Variants in JARID2 observed in about 807,000 individuals in gnomAD.
JARID2 encodes the protein jumonji and AT-rich interaction domain containing 2, also known as protein Jumonji.
In JARID2, 21 loss-of-function variants were observed where a neutral mutation model predicts 125.6. The ratio of observed to expected loss-of-function variants is 0.17; its 90% CI spans 0.12 to 0.24. JARID2 has a LOEUF of 0.24. Among genes scored for constraint, JARID2 ranks in the 10% least tolerant of loss-of-function variants. JARID2 has a pLI of 1.00. For missense variants in JARID2, 1,303 were observed against 1,639.6 expected (o/e 0.79, Z 3.55); for synonymous variants, 736 against 661.6 (o/e 1.11, Z -1.73).
chr6:15,325,517 A>G (rs981214437), intron 1 of JARID2, among the ~76,000 whole-genome samples: 3 of 152,018 alleles, frequency 2.0e-5, no homozygotes, highest in Non-Finnish European at 4.4e-5. Flanking sequence ...TACTACAGAG[A>G]CCCTTTCTTC....
At chr6:15,490,632 G>GC (rs1164188889) in intron 6 of JARID2, among the ~76,000 whole-genome samples, 1 of 152,208 alleles carries the variant, frequency 6.6e-6, no homozygotes, top group Admixed American at 6.5e-5. Flanking sequence ...TTGTCATGGG[G>GC]CTGGGAGTGC....
chr6:15,460,564 C>T (rs1202178807), intron 4 of JARID2, among the ~76,000 whole-genome samples: 1 of 152,200 alleles, frequency 6.6e-6, no homozygotes, highest in Non-Finnish European at 1.5e-5. Flanking sequence ...ACTAAAGTCC[C>T]TGGTGTCTGT....
At chr6:15,481,856 AGTAC>A in intron 5 of JARID2, among the ~76,000 whole-genome samples, 1 of 152,300 alleles carries the variant, frequency 6.6e-6, no homozygotes, top group East Asian at 1.9e-4. Flanking sequence ...TCTTTAGTAG[AGTAC>A]CTTGCTGAAG....
At chr6:15,422,360 AG>A (rs899670335) in intron 3 of JARID2, among the ~76,000 whole-genome samples, 1 of 152,112 alleles carries the variant, frequency 6.6e-6, no homozygotes, top group African/African-American at 2.4e-5. Context: ...AAATCTTCCA[AG>A]TGTGGGAGGG....
chr6:15,484,263 G>C (rs1355813956), intron 5 of JARID2, among the ~76,000 whole-genome samples: 1 of 152,148 alleles, frequency 6.6e-6, no homozygotes, highest in Admixed American at 6.5e-5. Context: ...AGTGATACTG[G>C]CAAGTGTTAG....
In JARID2 at chr6:15,388,426, C is replaced by T. The variant is rs896127912; in HGVS notation, c.181+14174C>T. On this transcript the variant is annotated intron_variant, in intron 2 of 17. Transcript: ENST00000341776. ...TCACCTGCTGCCAAATCTCATCTAT[C>T]CTTTTAGCTTCCTCTATAGGCTTTA... 2.0e-5 allele frequency among the ~76,000 whole-genome samples: 3 copies of T among 151,962 alleles called. No individual in the cohort carries two copies. The East Asian group carries it at 5.8e-4, about 29-fold the overall frequency.
At chr6:15,509,394 C>T (rs1771166492) in intron 12 of JARID2, 1 of 983,484 alleles carries the variant, frequency 1.0e-6, no homozygotes, top group African/African-American at 1.7e-5. Flanking sequence ...TCTTTGGAGC[C>T]AGCGTCGGCT....
intron 2 of JARID2, among the ~76,000 whole-genome samples, chr6:15,376,106 T>G (rs1020924862): frequency 6.6e-6 from 1 of 152,208 alleles, no homozygotes. Context: ...AAATCTCAGT[T>G]GGCAAAGATG....
chr6:15,330,067 G>A (rs1762656665), intron 1 of JARID2, among the ~76,000 whole-genome samples: 1 of 152,160 alleles, frequency 6.6e-6, no homozygotes, highest in South Asian at 2.1e-4. Flanking sequence ...TAAGGAAAAG[G>A]ATATATATGT....
chr6:15,357,439 T>A (rs1173172342), intron 1 of JARID2, among the ~76,000 whole-genome samples: 1 of 152,234 alleles, frequency 6.6e-6, no homozygotes, highest in Non-Finnish European at 1.5e-5. Flanking sequence ...AAACATTACA[T>A]GTCAGTGAAC....
intron 1 of JARID2, among the ~76,000 whole-genome samples, chr6:15,291,613 T>C (rs148443795): frequency 6.6e-6 from 1 of 152,324 alleles, no homozygotes; most frequent in African/African-American, 2.4e-5. Flanking sequence ...TCAGGAGCAG[T>C]GTGTGGGATG....
chr6:15,487,456 C>T lies in JARID2; in HGVS notation c.820C>T (p.Pro274Ser). Residue 274 changes from proline to serine, a missense_variant, in exon 6 of 18, where the codon CCC becomes TCC. This residue lies in a region of JARID2 where 651 missense variants were observed against 581.6 expected (regional missense o/e 1.12). Transcript: ENST00000341776. ...QASANHPAAA[P>S]STGSSAKGLA... The stretch of plus-strand genomic sequence containing the variant: ...TTCAGCTAACCACCCCGCAGCGGCC[C>T]CCTCCACGGGTTCCTCGGCCAAGGG... 6.2e-7 allele frequency: 1 copy of T among 1,614,230 alleles called. No homozygotes were observed. Among genetic ancestry groups the T allele is most frequent in the Non-Finnish European group, 8.5e-7 (1 of 1,180,046 alleles).
At chr6:15,488,668 G>C (rs948670461) in intron 6 of JARID2, among the ~76,000 whole-genome samples, 4 of 152,110 alleles carry the variant, frequency 2.6e-5, no homozygotes, top group African/African-American at 9.7e-5. Context: ...CTCTGAACGT[G>C]AACATGTGAC....
intron 1 of JARID2, among the ~76,000 whole-genome samples, chr6:15,340,753 T>G (rs1014394580): frequency 1.3e-5 from 2 of 152,226 alleles, no homozygotes; most frequent in African/African-American, 4.8e-5. Flanking sequence ...CGTTTGCTGG[T>G]CAGAAATGTG....
chr6:15,299,287 C>T (rs972216552), intron 1 of JARID2, among the ~76,000 whole-genome samples: 8 of 152,142 alleles, frequency 5.3e-5, no homozygotes, highest in African/African-American at 1.9e-4. Context: ...AGGATGAGGG[C>T]ATCAGTAGGT....
In JARID2 at chr6:15,496,219, C is replaced by T. The variant is rs1410434468; in HGVS notation, c.994C>T (p.Pro332Ser). The change falls in exon 7 of 18, where the codon CCA becomes TCA. Residue 332 changes from proline to serine, a missense_variant. This residue lies in a region of JARID2 where 651 missense variants were observed against 581.6 expected (regional missense o/e 1.12). Transcript: ENST00000341776. ...AAAGATGCGCGAGGTCAGACCTTCACCATCCAAAACTGTGAAGTACACTGC... is the reference window on the plus strand; with the variant it reads ...AAAGATGCGCGAGGTCAGACCTTCATCATCCAAAACTGTGAAGTACACTGC... Reference protein sequence around the residue: ...AKKMREVRPSPSKTVKYTATV... With the variant: ...AKKMREVRPSSSKTVKYTATV... 5 of 1,614,032 alleles carry T rather than the reference C, an allele frequency of 3.1e-6. No individual in the cohort carries two copies. Among genetic ancestry groups the T allele is most frequent in the Non-Finnish European group, 4.2e-6 (5 of 1,180,042 alleles).
intron 1 of JARID2, among the ~76,000 whole-genome samples, chr6:15,292,413 TTTTC>T (rs1241266790): frequency 1.3e-5 from 2 of 152,182 alleles, no homozygotes; most frequent in Admixed American, 6.5e-5. Context: ...ACAACTGCAG[TTTTC>T]TTTAACTATT....
At chr6:15,392,038 TG>T (rs1554131224) in intron 2 of JARID2, among the ~76,000 whole-genome samples, 1 of 101,256 alleles carries the variant, frequency 9.9e-6, no homozygotes, top group Non-Finnish European at 1.9e-5. Context: ...GATCCCAGAG[TG>T]GTGTGTGTGT....
chr6:15,258,892 CTG>C (rs764966773), intron 1 of JARID2, among the ~76,000 whole-genome samples: 2 of 152,248 alleles, frequency 1.3e-5, no homozygotes, highest in African/African-American at 2.4e-5. Flanking sequence ...GAAGAGGAAA[CTG>C]TTTCTGGGTC....
Sources: gnomAD v4.1 joint callset for allele counts (sites outside exome capture counted in the v4.1 genomes callset) on GRCh38, gnomAD v4.1.1 for gene constraint, gnomAD v4.1.1 regional missense constraint, MANE v1.5 for transcripts, NCBI Gene and HGNC (gene_info 2026-07-23, HGNC 2026-07-21) for gene names.